The following CNTNAP2 variants were observed in gnomAD, a reference collection of about 807,000 sequenced individuals.
The protein encoded by CNTNAP2 is contactin-associated protein-like 2.
Under a neutral mutation model 155.2 loss-of-function variants are expected in CNTNAP2, and 98 were observed. That is an observed-to-expected ratio of 0.63 (90% CI 0.54 to 0.75). The LOEUF is 0.75. Ranked by LOEUF, CNTNAP2 falls within the 30% of genes least tolerant of loss-of-function variation. CNTNAP2 has a pLI of 0.00. For missense variants in CNTNAP2, 1,727 were observed against 1,688.1 expected (o/e 1.02, Z -0.40); for synonymous variants, 651 against 631.2 (o/e 1.03, Z -0.47).
intron 13 of CNTNAP2, among the ~76,000 whole-genome samples, chr7:147,693,005 T>A (rs1349511571): frequency 6.6e-6 from 1 of 152,084 alleles, no homozygotes; most frequent in Non-Finnish European, 1.5e-5. Flanking sequence ...TCATTTTGAG[T>A]TCATTGTTGT....
chr7:146,588,307 G>A (rs1160423294), intron 1 of CNTNAP2, among the ~76,000 whole-genome samples: 1 of 152,070 alleles, frequency 6.6e-6, no homozygotes, highest in East Asian at 1.9e-4. Flanking sequence ...TAAGAGAGCA[G>A]CACTTCTTCT....
At chr7:147,598,370 C>T (rs1181010747) in intron 12 of CNTNAP2, among the ~76,000 whole-genome samples, 2 of 152,062 alleles carry the variant, frequency 1.3e-5, no homozygotes, top group East Asian at 3.9e-4. Context: ...GTGTGATGTT[C>T]CCTTCCCTGT....
chr7:148,366,732 T>C (rs1294729692), intron 21 of CNTNAP2, among the ~76,000 whole-genome samples: 1 of 152,226 alleles, frequency 6.6e-6, no homozygotes, highest in Non-Finnish European at 1.5e-5. Flanking sequence ...TCATGCAGTT[T>C]GTGATTTCCA....
At chr7:146,704,812 T>C (rs1435478383) in intron 1 of CNTNAP2, among the ~76,000 whole-genome samples, 3 of 152,186 alleles carry the variant, frequency 2.0e-5, no homozygotes, top group African/African-American at 7.2e-5. Context: ...TCAAACCTCA[T>C]CTAGTCATCT....
At chr7:147,307,549 A>C (rs1197464341) in intron 9 of CNTNAP2, among the ~76,000 whole-genome samples, 2 of 151,984 alleles carry the variant, frequency 1.3e-5, no homozygotes, top group Non-Finnish European at 2.9e-5. Context: ...ACACCACTGC[A>C]CTCCAGCCTG....
chr7:146,184,597 A>G (rs550983689), intron 1 of CNTNAP2, among the ~76,000 whole-genome samples: 3 of 152,322 alleles, frequency 2.0e-5, no homozygotes, highest in East Asian at 3.9e-4. Context: ...GCTAAATACC[A>G]TACGTAGAAG....
intron 22 of CNTNAP2, 23 bp downstream of exon 22, chr7:148,383,911 G>T (rs751858086): frequency 1.9e-6 from 3 of 1,607,578 alleles, no homozygotes; most frequent in Non-Finnish European, 2.5e-6. Context: ...GCAACCTCAG[G>T]CAGGTTGCTT....
At chr7:147,828,572 A>C (rs1182994746) in intron 13 of CNTNAP2, among the ~76,000 whole-genome samples, 1 of 152,162 alleles carries the variant, frequency 6.6e-6, no homozygotes, top group African/African-American at 2.4e-5. Flanking sequence ...GAAGGTAATA[A>C]AGGCAAAGTG....
At chr7:147,369,519 C>A (rs181594790) in intron 9 of CNTNAP2, among the ~76,000 whole-genome samples, 17 of 152,176 alleles carry the variant, frequency 1.1e-4, no homozygotes, top group Admixed American at 1.1e-3. Context: ...TTTTCTTTCT[C>A]GCTCCCTTAC....
At chr7:147,216,127 T>C (rs1474910539) in intron 8 of CNTNAP2, among the ~76,000 whole-genome samples, 1 of 142,052 alleles carries the variant, frequency 7.0e-6, no homozygotes, top group African/African-American at 2.6e-5. Flanking sequence ...GTTCCCAGTC[T>C]GTGTTTTTTT....
chr7:147,272,106 T>A (rs2116706525), intron 8 of CNTNAP2, among the ~76,000 whole-genome samples: 1 of 152,256 alleles, frequency 6.6e-6, no homozygotes, highest in East Asian at 1.9e-4. Flanking sequence ...TTGGCCAGGC[T>A]GCTCTCGAAC....
intron 1 of CNTNAP2, among the ~76,000 whole-genome samples, chr7:146,195,447 C>G (rs1251087076): frequency 6.6e-6 from 1 of 152,178 alleles, no homozygotes; most frequent in African/African-American, 2.4e-5. Context: ...TTCATTCTTT[C>G]TCAACACTTT....
chr7:147,706,115 G>C (rs924665023), intron 13 of CNTNAP2, among the ~76,000 whole-genome samples: 3 of 148,824 alleles, frequency 2.0e-5, no homozygotes, highest in African/African-American at 7.4e-5. Context: ...ATTTTGTAAT[G>C]TCTTTTGATT....
intron 2 of CNTNAP2, among the ~76,000 whole-genome samples, chr7:146,827,447 G>A (rs1803428241): frequency 6.6e-6 from 1 of 151,044 alleles, no homozygotes; most frequent in Admixed American, 6.6e-5. Context: ...CTTACTTTCT[G>A]CATCTTCACC....
At chr7:147,996,010 C>A (rs1327313498) in intron 15 of CNTNAP2, among the ~76,000 whole-genome samples, 1 of 152,156 alleles carries the variant, frequency 6.6e-6, no homozygotes, top group Non-Finnish European at 1.5e-5. Context: ...AGACAATAAA[C>A]CAGGTGCCAG....
intron 10 of CNTNAP2, among the ~76,000 whole-genome samples, chr7:147,429,152 G>GTATATATA (rs141561595): frequency 9.5e-4 from 139 of 145,894 alleles, no homozygotes; most frequent in African/African-American, 3.3e-3. Context: ...GTGTGTTTGT[G>GTATATATA]TATATATATA....
chr7:147,601,108 G>T (rs938407489), intron 12 of CNTNAP2, among the ~76,000 whole-genome samples: 5 of 152,096 alleles, frequency 3.3e-5, no homozygotes, highest in Non-Finnish European at 5.9e-5. Context: ...AGCCTCAACA[G>T]GTTTCCATTC....
rs549102978 is a variant in CNTNAP2 at position 147,560,646 on chromosome 7, C to T, written c.1778-1492C>T. ...AATAATTAGTGAACAAACACGGTTT[C>T]GAAGGTCTTCTATCCGTGTTGTTCA... On this transcript the variant is annotated intron_variant, in intron 11 of 23. Coordinates refer to ENST00000361727, the MANE Select transcript of CNTNAP2 (RefSeq NM_014141.6). Among the ~76,000 whole-genome samples the T allele has an allele frequency of 1.1e-4, 17 of 151,976 alleles. No individual in the cohort carries two copies. The East Asian group carries it at 2.9e-3, about 26-fold the overall frequency.
chr7:147,959,595 A>G (rs1801081321), intron 14 of CNTNAP2, among the ~76,000 whole-genome samples: 1 of 152,152 alleles, frequency 6.6e-6, no homozygotes, highest in African/African-American at 2.4e-5. Flanking sequence ...TTCTGCAGTC[A>G]TGTTTATACC....
Sources: gnomAD v4.1 joint callset for allele counts (sites outside exome capture counted in the v4.1 genomes callset) on GRCh38, gnomAD v4.1.1 for gene constraint, MANE v1.5 for transcripts, NCBI Gene and HGNC (gene_info 2026-07-23, HGNC 2026-07-21) for gene names.